The following RNASE4 variants were observed in gnomAD, a reference collection of about 807,000 sequenced individuals.
RNASE4 encodes the protein ribonuclease 4.
For missense variants in RNASE4, 194 were observed against 192.8 expected, an observed-to-expected ratio of 1.01 and a Z score of -0.04; for synonymous variants, 93 against 71.4, an observed-to-expected ratio of 1.30 and a Z score of -1.52.
At position 20,699,970 on chromosome 14, in the gene RNASE4, C is replaced by T. The variant is rs559008080; in HGVS notation, c.*155C>T. Reference sequence around the variant, plus strand: ...ACTCATTCTATTAAATACATTGCACCAAAGAGATATGGAGACATAAACCTG... The same window carrying T: ...ACTCATTCTATTAAATACATTGCACTAAAGAGATATGGAGACATAAACCTG... On this transcript the variant is annotated 3_prime_UTR_variant, in exon 2 of 2. Transcript: ENST00000555835. The T allele has an allele frequency of 3.0e-6, 2 of 667,460 alleles. No homozygotes were observed. The highest frequency in any genetic ancestry group is 2.7e-5 in the East Asian group (1 of 36,884). The allele number at this position is 667,460 out of a possible 1,614,324, so 41.3% of individuals were successfully genotyped here. A position where few individuals can be genotyped will look rare whatever the true frequency, so the allele number is the denominator to read the frequency against.
At chr14:20,693,881 AG>A in intron 1 of RNASE4, 1 of 1,614,204 alleles carries the variant, frequency 6.2e-7, no homozygotes, top group East Asian at 2.2e-5. Flanking sequence ...ACCACTTGCA[AG>A]CTACATGGAG....
chr14:20,684,955 C>G (rs1453100123), intron 1 of RNASE4, among the ~76,000 whole-genome samples, 197 bp downstream of exon 1: 1 of 152,168 alleles, frequency 6.6e-6, no homozygotes, highest in Non-Finnish European at 1.5e-5. Flanking sequence ...CATTCCCACT[C>G]AGGTTTACTT....
intron 1 of RNASE4, chr14:20,693,607 G>C: frequency 6.2e-7 from 1 of 1,613,886 alleles, no homozygotes; most frequent in Non-Finnish European, 8.5e-7. Context: ...CTTCGTGCTG[G>C]GTCTGGGTCT....
At chr14:20,696,853 C>T (rs1887109432) in intron 1 of RNASE4, among the ~76,000 whole-genome samples, 1 of 152,114 alleles carries the variant, frequency 6.6e-6, no homozygotes, top group Non-Finnish European at 1.5e-5. Flanking sequence ...GTATTACATG[C>T]TCATTTTGCT....
chr14:20,693,657 A>G (rs751353259), intron 1 of RNASE4: 2 of 1,614,112 alleles, frequency 1.2e-6, no homozygotes, highest in Admixed American at 3.3e-5. Flanking sequence ...CCAGGTACAC[A>G]CACTTCCTGA....
chr14:20,699,938 C>A lies in RNASE4; in HGVS notation c.*123C>A, dbSNP rs1430242710. On this transcript the variant is annotated 3_prime_UTR_variant, in exon 2 of 2. Transcript: ENST00000555835. ...TCAGCTCATTTCCTACTCTTTTTCTCTATATAACTCATTCTATTAAATACA... is the reference window on the plus strand; with the variant it reads ...TCAGCTCATTTCCTACTCTTTTTCTATATATAACTCATTCTATTAAATACA... 1 of 783,500 alleles carries A rather than the reference C, an allele frequency of 1.3e-6. No individual in the cohort carries two copies. The highest frequency in any genetic ancestry group is 2.1e-6 in the Non-Finnish European group (1 of 472,624). The allele number at this position is 783,500 out of a possible 1,614,324, so 48.5% of individuals were successfully genotyped here.
intron 1 of RNASE4, chr14:20,688,694 T>C: frequency 1.0e-6 from 1 of 985,366 alleles, no homozygotes; most frequent in Non-Finnish European, 1.2e-6. Context: ...TCAAGAGCAG[T>C]GTCCTTGGTT....
At chr14:20,689,172 C>A in intron 1 of RNASE4, among the ~76,000 whole-genome samples, 1 of 152,324 alleles carries the variant, frequency 6.6e-6, no homozygotes, top group African/African-American at 2.4e-5. Context: ...CCTCCCCCGT[C>A]GTCCACCCCT....
Position 20,699,779 on chromosome 14 carries a change from G to C in RNASE4, c.408G>C (p.Glu136Asp). 6.2e-7 allele frequency: 1 copy of C among 1,612,594 alleles called. No homozygotes were observed. The highest frequency in any genetic ancestry group is 8.5e-7 in the Non-Finnish European group (1 of 1,180,012). The change falls in exon 2 of 2, where the codon GAG becomes GAC. Residue 136 changes from glutamate (E) to aspartate (D), a missense_variant. Transcript: ENST00000555835. ...CTAGACGTGTTGTCATTGCCTGTGA[G>C]GGTAACCCACAGGTGCCTGTGCACT... ...ASTRRVVIACEGNPQVPVHFD... is the reference protein window; with the variant it reads ...ASTRRVVIACDGNPQVPVHFD...
At chr14:20,694,056 T>A in intron 1 of RNASE4, 1 of 1,606,410 alleles carries the variant, frequency 6.2e-7, no homozygotes, top group Non-Finnish European at 8.5e-7. Context: ...TTGCCTTCCA[T>A]TTCCCCTCTG....
chr14:20,688,469 A>G (rs115726927), intron 1 of RNASE4, among the ~76,000 whole-genome samples: 94 of 152,304 alleles, frequency 6.2e-4, no homozygotes, highest in African/African-American at 2.2e-3. Flanking sequence ...CAGAGATGCT[A>G]TCTTATGGAT....
intron 1 of RNASE4, among the ~76,000 whole-genome samples, chr14:20,694,538 G>T (rs930437745): frequency 2.0e-5 from 3 of 152,044 alleles, no homozygotes. Flanking sequence ...GACCTCGGGA[G>T]ATCCGCCCAC....
At chr14:20,697,372 C>CA (rs1344747959) in intron 1 of RNASE4, among the ~76,000 whole-genome samples, 1 of 152,124 alleles carries the variant, frequency 6.6e-6, no homozygotes, top group African/African-American at 2.4e-5. Flanking sequence ...GTTCTTGGGG[C>CA]AAAAAGGAAA....
intron 1 of RNASE4, among the ~76,000 whole-genome samples, chr14:20,693,109 A>G (rs541556624): frequency 1.0e-3 from 157 of 152,228 alleles, no homozygotes; most frequent in Admixed American, 1.8e-3. Context: ...GGCCTCCCAA[A>G]GTGCTGGGAT....
chr14:20,699,235 G>T, intron 1 of RNASE4, 120 bp from the exon 2 acceptor site: 1 of 761,736 alleles, frequency 1.3e-6, no homozygotes, highest in East Asian at 2.6e-5. Context: ...GGGAGATGGT[G>T]CATATAAGAA....
At chr14:20,693,799 G>T (rs1175193451) in intron 1 of RNASE4, 3 of 1,614,172 alleles carry the variant, frequency 1.9e-6, no homozygotes, top group Non-Finnish European at 1.7e-6. Context: ...CAGCATCAAG[G>T]CCATCTGTGA....
At chr14:20,693,690 A>C in intron 1 of RNASE4, 1 of 1,614,198 alleles carries the variant, frequency 6.2e-7, no homozygotes, top group Non-Finnish European at 8.5e-7. Flanking sequence ...ATGCCAAACC[A>C]CAGGGCCGGG....
chr14:20,687,454 T>C (rs1051817709), intron 1 of RNASE4, among the ~76,000 whole-genome samples: 2 of 152,162 alleles, frequency 1.3e-5, no homozygotes, highest in African/African-American at 4.8e-5. Flanking sequence ...GTGCTTGAAT[T>C]GGTGCTTCAG....
chr14:20,687,458 G>A (rs1886479134), intron 1 of RNASE4, among the ~76,000 whole-genome samples: 1 of 152,172 alleles, frequency 6.6e-6, no homozygotes, highest in African/African-American at 2.4e-5. Context: ...TTGAATTGGT[G>A]CTTCAGGCCA....
Sources: allele counts gnomAD v4.1 joint callset (sites outside exome capture counted in the v4.1 genomes callset), GRCh38; gene constraint gnomAD v4.1.1; transcripts MANE v1.5; gene names NCBI Gene and HGNC (gene_info 2026-07-23, HGNC 2026-07-21).